ALMS1: variants seen among roughly 807,000 people sequenced by gnomAD.
ALMS1 encodes ALMS1 centrosome and basal body associated protein.
A neutral mutation model predicts 352.2 loss-of-function variants in ALMS1; 271 were observed. That is an observed-to-expected ratio of 0.77 (90% CI 0.70 to 0.85). ALMS1 has a LOEUF of 0.85. Ranked by LOEUF, ALMS1 falls within the 40% of genes least tolerant of loss-of-function variation. The pLI, the probability that ALMS1 is intolerant of heterozygous loss-of-function variation, is 0.00. For synonymous variants in ALMS1, 1,865 were observed against 1,761.2 expected (o/e 1.06, Z -1.48); for missense variants, 5,445 against 4,870.7 (o/e 1.12, Z -3.51).
intron 10 of ALMS1, among the ~76,000 whole-genome samples, chr2:73,517,728 G>A (rs1031059979): frequency 2.6e-5 from 4 of 151,750 alleles, no homozygotes; most frequent in Non-Finnish European, 5.9e-5. Context: ...CGCAATCTCG[G>A]TTCATTGCAA....
At chr2:73,546,811 G>A (rs1674331102) in intron 12 of ALMS1, among the ~76,000 whole-genome samples, 1 of 152,116 alleles carries the variant, frequency 6.6e-6, no homozygotes, top group Non-Finnish European at 1.5e-5. Context: ...AGGCAGCGTG[G>A]GTTGAAATTC....
chr2:73,597,310 G>A (rs552711080), intron 16 of ALMS1, among the ~76,000 whole-genome samples: 8 of 152,142 alleles, frequency 5.3e-5, no homozygotes, highest in South Asian at 2.1e-4. Flanking sequence ...TTGGTTATTA[G>A]TTCTAGTTCT....
intron 7 of ALMS1, among the ~76,000 whole-genome samples, chr2:73,436,092 C>G (rs1287278118): frequency 6.6e-6 from 1 of 152,106 alleles, no homozygotes; most frequent in Non-Finnish European, 1.5e-5. Context: ...TCTGCAAGTT[C>G]CCTGTTTTAT....
rs1553416883 is a variant in ALMS1, at chr2:73,557,365, T to C, written c.10213+11T>C. The C allele has an allele frequency of 2.5e-6, 4 of 1,613,942 alleles. No homozygotes were observed. The Admixed American group carries it at 5.0e-5, about 20-fold the overall frequency. On this transcript the variant is annotated intron_variant, in intron 14 of 22. Transcript: ENST00000613296. ...AGAAAGATACTGCAGGTAGCTAAAC[T>C]GGATTGTCTGCGTATTATTTTCTTC...
chr2:73,480,599 G>T (rs1484087991), intron 9 of ALMS1, among the ~76,000 whole-genome samples: 1 of 151,620 alleles, frequency 6.6e-6, no homozygotes, highest in Non-Finnish European at 1.5e-5. Context: ...CCAGTAATGG[G>T]ATGGCTGGGT....
intron 10 of ALMS1, among the ~76,000 whole-genome samples, chr2:73,516,250 A>G (rs1673552603): frequency 6.6e-6 from 1 of 152,220 alleles, no homozygotes; most frequent in African/African-American, 2.4e-5. Flanking sequence ...ATGAGATACC[A>G]TCTCATGTTA....
intron 10 of ALMS1, among the ~76,000 whole-genome samples, chr2:73,497,482 G>A (rs1296423196): frequency 1.3e-5 from 2 of 152,006 alleles, no homozygotes; most frequent in Non-Finnish European, 2.9e-5. Flanking sequence ...TGCAGGTTCA[G>A]TTCCAGACCA....
At chr2:73,436,846 A>T (rs1671613014) in intron 7 of ALMS1, among the ~76,000 whole-genome samples, 1 of 152,182 alleles carries the variant, frequency 6.6e-6, no homozygotes, top group African/African-American at 2.4e-5. Context: ...AGCTGCTTTT[A>T]ATTGTTACTG....
At chr2:73,402,305 G>A (rs113054081) in intron 1 of ALMS1, among the ~76,000 whole-genome samples, 5,479 of 122,464 alleles carry the variant, frequency 0.045, 149 homozygotes, top group Non-Finnish European at 0.062. Context: ...ACAGAATCTC[G>A]CTCTGTTGCT....
intron 11 of ALMS1, among the ~76,000 whole-genome samples, chr2:73,532,249 T>C (rs902954872): frequency 1.3e-5 from 2 of 152,176 alleles, no homozygotes; most frequent in African/African-American, 4.8e-5. Context: ...TGCTGGATAC[T>C]GCCTATGTTT....
intron 15 of ALMS1, among the ~76,000 whole-genome samples, chr2:73,559,381 A>T (rs1437306548): frequency 1.3e-5 from 2 of 152,130 alleles, no homozygotes; most frequent in African/African-American, 4.8e-5. Flanking sequence ...CAACTTAGAA[A>T]CAGGATTATA....
At chr2:73,544,502 C>G (rs557447975) in intron 12 of ALMS1, among the ~76,000 whole-genome samples, 25 of 152,014 alleles carry the variant, frequency 1.6e-4, no homozygotes, top group African/African-American at 5.1e-4. Flanking sequence ...TACCCTAAAA[C>G]TTAAAGTATA....
At position 73,599,400 on chromosome 2, in the gene ALMS1, G is replaced by A. The variant is rs1573052260; in HGVS notation, c.11548-1G>A. Reference sequence around the variant, plus strand: ...TAACAAGATCTCTTTTATTTTTCTAGGTAGCAAACCATGTGATTTCTTCTG... The same window carrying A: ...TAACAAGATCTCTTTTATTTTTCTAAGTAGCAAACCATGTGATTTCTTCTG... On this transcript the variant is annotated splice_acceptor_variant, in intron 16 of 22. Transcript: ENST00000613296. LOFTEE classifies it high-confidence loss of function. 6.2e-7 allele frequency: 1 copy of A among 1,612,616 alleles called. No homozygotes were observed. The highest frequency in any genetic ancestry group is 8.5e-7 in the Non-Finnish European group (1 of 1,179,626).
Position 73,452,759 on chromosome 2 carries a change from C to T in ALMS1, c.6232C>T (p.Pro2078Ser), listed in dbSNP as rs1050140750. ...AGGTATTCTAAAGATTTCAGCTGTC[C>T]CTGAACTAACTGATGTGAATACTGG... ...SKGILKISAV[P>S]ELTDVNTGKP... The change falls in exon 8 of 23, where the codon CCT becomes TCT. Residue 2078 changes from proline to serine, a missense_variant. Pro to Ser is a moderately conservative substitution (Grantham distance 74). Coordinates refer to ENST00000613296, the MANE Select transcript of ALMS1 (RefSeq NM_001378454.1). The T allele has an allele frequency of 1.2e-6, 2 of 1,613,296 alleles. No individual in the cohort carries two copies. The highest frequency in any genetic ancestry group is 1.7e-6 in the Non-Finnish European group (2 of 1,179,846).
intron 15 of ALMS1, among the ~76,000 whole-genome samples, chr2:73,570,630 A>G (rs922430975): frequency 3.7e-5 from 4 of 107,930 alleles, no homozygotes; most frequent in Non-Finnish European, 7.5e-5. Context: ...GATGTTTTCA[A>G]GCCAATGGAA....
intron 9 of ALMS1, among the ~76,000 whole-genome samples, chr2:73,460,187 A>C (rs1672159450): frequency 6.6e-6 from 1 of 152,110 alleles, no homozygotes; most frequent in Non-Finnish European, 1.5e-5. Flanking sequence ...CAACAGATTG[A>C]ATTTCTTTCC....
At chr2:73,576,662 C>T (rs1675060683) in intron 16 of ALMS1, among the ~76,000 whole-genome samples, 1 of 151,196 alleles carries the variant, frequency 6.6e-6, no homozygotes, top group South Asian at 2.1e-4. Context: ...CTCTTGTTGC[C>T]CAGGCTGGAG....
At chr2:73,548,091 A>G (rs1282560261) in intron 12 of ALMS1, among the ~76,000 whole-genome samples, 1 of 152,180 alleles carries the variant, frequency 6.6e-6, no homozygotes, top group African/African-American at 2.4e-5. Context: ...TGCTTTGGAC[A>G]TGTTAAAAAT....
At chr2:73,555,464 G>A (rs995130929) in intron 13 of ALMS1, among the ~76,000 whole-genome samples, 15 of 152,124 alleles carry the variant, frequency 9.9e-5, no homozygotes, top group African/African-American at 3.1e-4. Context: ...GAAATGTATA[G>A]TATACCAGGC....
Sources: gnomAD v4.1 joint callset for allele counts (sites outside exome capture counted in the v4.1 genomes callset) on GRCh38, gnomAD v4.1.1 for gene constraint, MANE v1.5 for transcripts, NCBI Gene and HGNC (gene_info 2026-07-23, HGNC 2026-07-21) for gene names.